The following NET1 variants were observed in gnomAD, a reference collection of about 807,000 sequenced individuals.
NET1 encodes neuroepithelial cell transforming 1.
A neutral mutation model predicts 61.1 loss-of-function variants in NET1; 42 were observed. The ratio of observed to expected loss-of-function variants is 0.69; its 90% CI spans 0.54 to 0.89. The LOEUF (loss-of-function observed/expected upper bound fraction) is 0.89. Among genes scored for constraint, NET1 ranks in the 40% least tolerant of loss-of-function variants. The probability of loss-of-function intolerance (pLI) is 0.00; values close to 1 mark genes in which losing one functional copy is unlikely to be tolerated. For missense variants in NET1, 654 were observed against 747.3 expected, an observed-to-expected ratio of 0.88 and a Z score of 1.46; for synonymous variants, 254 against 281.8, an observed-to-expected ratio of 0.90 and a Z score of 0.99.
Position 5,452,317 on chromosome 10 carries a change from C to A in NET1, c.364-41C>A. 1 of 1,470,364 alleles carries A rather than the reference C, an allele frequency of 6.8e-7. No homozygotes were observed. Among genetic ancestry groups the A allele is most frequent in the Non-Finnish European group, 9.1e-7 (1 of 1,100,234 alleles). The allele number at this position is 1,470,364 out of a possible 1,614,324, so 91.1% of individuals were successfully genotyped here. On this transcript the variant is annotated intron_variant, in intron 4 of 11. Transcript: ENST00000355029. The surrounding 1 kb of genome is among the most constrained non-coding windows in gnomAD (Gnocchi z 4.0). ...AAAATGGGAATAATTCTATTTCTTC[C>A]AAATCTTATTTTCTCTTTTGTTCAC...
Position 5,454,381 on chromosome 10 carries a change from G to T in NET1, c.885G>T (p.Glu295Asp), listed in dbSNP as rs751723448. Reference protein sequence around the residue: ...RVQDFLQRCLESPFSRKLDLW... With the variant: ...RVQDFLQRCLDSPFSRKLDLW... ...AAGACTTCCTCCAGCGATGTCTCGA[G>T]TCTCCCTTCAGTCGAAAACTAGATC... Residue 295 changes from glutamate (E) to aspartate (D), a missense_variant, in exon 9 of 12, where the codon GAG becomes GAT. Glu to Asp is a conservative substitution (Grantham distance 45, BLOSUM62 2). Transcript: ENST00000355029. This position sits in a 1 kb window ranked among gnomAD's most constrained non-coding sequence, Gnocchi z 8.1. The T allele has an allele frequency of 1.2e-6, 2 of 1,614,176 alleles. No homozygotes were observed. Among genetic ancestry groups the T allele is most frequent in the South Asian group, 2.2e-5 (2 of 91,080 alleles).
In NET1 at chr10:5,449,869, G is replaced by T. The variant is rs796417415; in HGVS notation, c.256-1961G>T. Reference sequence around the variant, plus strand: ...TTTTCTGGGAAGTCAAATTTGTTATGCATGAAACAAGGAAGAGGAGTTAAC... The same window carrying T: ...TTTTCTGGGAAGTCAAATTTGTTATTCATGAAACAAGGAAGAGGAGTTAAC... On this transcript the variant is annotated intron_variant, in intron 3 of 11. Transcript: ENST00000355029. This position sits in a 1 kb window ranked among gnomAD's most constrained non-coding sequence, Gnocchi z 4.4. Among the ~76,000 whole-genome samples the T allele has an allele frequency of 2.0e-5, 3 of 152,284 alleles. No individual in the cohort carries two copies. The highest frequency in any genetic ancestry group is 7.2e-5 in the African/African-American group (3 of 41,566).
In NET1 at chr10:5,435,498, T is replaced by C. The variant is rs149022712; in HGVS notation, c.255+6269T>C. Among the ~76,000 whole-genome samples, 144 of 22,042 alleles carry C rather than the reference T, an allele frequency of 6.5e-3. No homozygotes were observed. The highest frequency in any genetic ancestry group is 0.02 in the African/African-American group (134 of 6,614). 14.5% of individuals were successfully genotyped at this position (22,042 alleles called of 152,430 possible). The stretch of plus-strand genomic sequence containing the variant: ...TGAGATAGATAGATAGATAGATAGA[T>C]AGATAGATAGATAGATAGATAGATA... On this transcript the variant is annotated intron_variant, in intron 3 of 11. Coordinates refer to ENST00000355029, the MANE Select transcript of NET1 (RefSeq NM_001047160.3). This position sits in a 1 kb window ranked among gnomAD's most constrained non-coding sequence, Gnocchi z 5.0.
rs1413092463 is a variant in NET1, at chr10:5,412,870, G to A, written c.128+50G>A. The A allele has an allele frequency of 4.6e-6, 6 of 1,293,026 alleles. No individual in the cohort carries two copies. In the East Asian group the frequency reaches 1.9e-4, roughly 41 times the overall value. 80.1% of individuals were successfully genotyped at this position (1,293,026 alleles called of 1,614,324 possible). The stretch of plus-strand genomic sequence containing the variant: ...GAACGGGAGGTGAGTGTAGGGGAGC[G>A]GAGGGCCGAACGGGAGGTGAGTGTT... On this transcript the variant is annotated intron_variant, in intron 1 of 11. Transcript: ENST00000355029. This position sits in a 1 kb window ranked among gnomAD's most constrained non-coding sequence, Gnocchi z 6.5.
intron 3 of NET1, among the ~76,000 whole-genome samples, chr10:5,436,145 C>A: frequency 1.6e-5 from 2 of 124,068 alleles, no homozygotes; most frequent in African/African-American, 6.3e-5. Flanking sequence ...TTTCCGTTTT[C>A]CTAGAAGTTA....
At chr10:5,413,663 TA>T (rs1295108597) in intron 1 of NET1, among the ~76,000 whole-genome samples, 1 of 152,178 alleles carries the variant, frequency 6.6e-6, no homozygotes, top group Non-Finnish European at 1.5e-5. Context: ...AGATGAGGAT[TA>T]AGCTAGATGA....
chr10:5,450,728 A>G (rs1001021836), intron 3 of NET1, among the ~76,000 whole-genome samples: 1 of 152,228 alleles, frequency 6.6e-6, no homozygotes, highest in Non-Finnish European at 1.5e-5. Context: ...CCATAGACAT[A>G]AAGAATAGAC....
In NET1 at chr10:5,435,865, A is replaced by T. The variant is rs2119189166; in HGVS notation, c.255+6636A>T. Among the ~76,000 whole-genome samples the T allele has an allele frequency of 6.6e-6, 1 of 152,192 alleles. No individual in the cohort carries two copies. Among genetic ancestry groups the T allele is most frequent in the East Asian group, 1.9e-4 (1 of 5,178 alleles). Reference sequence around the variant, plus strand: ...ATTATATATACAATTATTCATTTTTAAAAGAACACAGTATTAGTTTTCCAA... The same window carrying T: ...ATTATATATACAATTATTCATTTTTTAAAGAACACAGTATTAGTTTTCCAA... On this transcript the variant is annotated intron_variant, in intron 3 of 11. Coordinates refer to ENST00000355029, the MANE Select transcript of NET1 (RefSeq NM_001047160.3). The surrounding 1 kb of genome is among the most constrained non-coding windows in gnomAD (Gnocchi z 5.0).
chr10:5,439,373 A>G lies in NET1; in HGVS notation c.255+10144A>G, dbSNP rs2119195540. ...CTTAGTGGTTTTAGAGACCTACTCC[A>G]CCCCTAGATGAAGAGTTGAAAGAGA... On this transcript the variant is annotated intron_variant, in intron 3 of 11. Coordinates refer to ENST00000355029, the MANE Select transcript of NET1 (RefSeq NM_001047160.3). The surrounding 1 kb of genome is among the most constrained non-coding windows in gnomAD (Gnocchi z 4.8). Among the ~76,000 whole-genome samples the G allele has an allele frequency of 6.6e-6, 1 of 152,286 alleles. No individual in the cohort carries two copies. Among genetic ancestry groups the G allele is most frequent in the African/African-American group, 2.4e-5 (1 of 41,554 alleles).
chr10:5,446,769 G>T lies in NET1; in HGVS notation c.256-5061G>T, dbSNP rs199974556. The T allele has an allele frequency of 2.0e-5, 32 of 1,602,016 alleles. No homozygotes were observed. The Middle Eastern group carries it at 1.3e-3, about 66-fold the overall frequency. On this transcript the variant is annotated intron_variant, in intron 3 of 11. Transcript: ENST00000355029. This position sits in a 1 kb window ranked among gnomAD's most constrained non-coding sequence, Gnocchi z 5.0. ...TTTGAGGGAGTACTTGGGAAGCATG[G>T]TGGCACATGATGAGACTGGAGGTCT...
chr10:5,454,278 A>G lies in NET1; in HGVS notation c.782A>G (p.Asn261Ser), dbSNP rs1165670097. 6.8e-6 allele frequency: 11 copies of G among 1,611,820 alleles called. No individual in the cohort carries two copies. The highest frequency in any genetic ancestry group is 9.3e-6 in the Non-Finnish European group (11 of 1,179,398). ...HILVSWLPRL[N>S]AYRGYCSNQL... is the part of the protein sequence containing the mutation. ...ATTACTCTTCAGTTACCGCGCTTGAATGCCTACAGAGGTTACTGTAGTAAC... is the reference window on the plus strand; with the variant it reads ...ATTACTCTTCAGTTACCGCGCTTGAGTGCCTACAGAGGTTACTGTAGTAAC... The change falls in exon 9 of 12, where the codon AAT becomes AGT. Residue 261 changes from asparagine to serine, a missense_variant. Physicochemically the swap from Asn to Ser is conservative, Grantham distance 46. Coordinates refer to ENST00000355029, the MANE Select transcript of NET1 (RefSeq NM_001047160.3). This position sits in a 1 kb window ranked among gnomAD's most constrained non-coding sequence, Gnocchi z 8.1.
chr10:5,419,580 T>G (rs1386904624), intron 1 of NET1, among the ~76,000 whole-genome samples: 1 of 152,244 alleles, frequency 6.6e-6, no homozygotes, highest in African/African-American at 2.4e-5. Flanking sequence ...ACTAGGCTTT[T>G]TTGGGTTTTG....
In NET1 at chr10:5,435,542, C is replaced by T. The variant is rs4881444; in HGVS notation, c.255+6313C>T. 0.78 allele frequency among the ~76,000 whole-genome samples: 109,018 copies of T among 139,034 alleles called. 39,850 individuals are homozygous for T. The highest frequency in any genetic ancestry group is 0.81 in the Admixed American group (11,490 of 14,252). The allele number at this position is 139,034 out of a possible 152,430, so 91.2% of individuals were successfully genotyped here. A position where few individuals can be genotyped will look rare whatever the true frequency, so the allele number is the denominator to read the frequency against. On this transcript the variant is annotated intron_variant, in intron 3 of 11. Coordinates refer to ENST00000355029, the MANE Select transcript of NET1 (RefSeq NM_001047160.3). This position sits in a 1 kb window ranked among gnomAD's most constrained non-coding sequence, Gnocchi z 5.0. ...ATAGATAGATAGATAGACAGACAGA[C>T]AGATAGATAGATAGATAGATAAAAT...
intron 1 of NET1, among the ~76,000 whole-genome samples, chr10:5,413,040 G>GA (rs1832027462): frequency 7.6e-6 from 1 of 132,094 alleles, no homozygotes; most frequent in Non-Finnish European, 1.6e-5. Context: ...CGGGGTTGGG[G>GA]GGGGGGACGG....
At position 5,455,120 on chromosome 10, in the gene NET1, T is replaced by C. The variant is rs1832776021; in HGVS notation, c.1197+2T>C. On this transcript the variant is annotated splice_donor_variant, in intron 10 of 11. Coordinates refer to ENST00000355029, the MANE Select transcript of NET1 (RefSeq NM_001047160.3). LOFTEE classifies it high-confidence loss of function. This position sits in a 1 kb window ranked among gnomAD's most constrained non-coding sequence, Gnocchi z 6.5. ...GAGCTGCGGAGCAAGAGTGGACATG[T>C]AGGTGACTTTTGCTGCCGTGGCAGA... 1 of 1,612,710 alleles carries C rather than the reference T, an allele frequency of 6.2e-7. No individual in the cohort carries two copies. Among genetic ancestry groups the C allele is most frequent in the Non-Finnish European group, 8.5e-7 (1 of 1,179,756 alleles).
chr10:5,425,102 T>C (rs1291173588), intron 1 of NET1, among the ~76,000 whole-genome samples: 3 of 152,236 alleles, frequency 2.0e-5, no homozygotes, highest in African/African-American at 7.2e-5. Flanking sequence ...GTTTCCAGAA[T>C]GTAACTCATT....
rs368625548 is a variant in NET1, at chr10:5,451,864, G to A, written c.290G>A (p.Arg97His). 24 of 1,613,754 alleles carry A rather than the reference G, an allele frequency of 1.5e-5. No individual in the cohort carries two copies. The highest frequency in any genetic ancestry group is 3.3e-4 in the Middle Eastern group (2 of 6,082). The stretch of plus-strand genomic sequence containing the variant: ...AATAAAAGAGTTCGACCTCTGGCTC[G>A]TGTCACGTCCTTGGCAAATTTAATC... ...PSNKRVRPLA[R>H]VTSLANLISP... is the part of the protein sequence containing the mutation. Residue 97 changes from arginine to histidine, a missense_variant, in exon 4 of 12, where the codon CGT becomes CAT. Arg to His is a conservative substitution (Grantham distance 29). Transcript: ENST00000355029. The surrounding 1 kb of genome is among the most constrained non-coding windows in gnomAD (Gnocchi z 6.1).
Position 5,455,053 on chromosome 10 carries a change from G to C in NET1, c.1132G>C (p.Asp378His). ...GGAGTACCTGGATGAAAAGCAGAGG[G>C]ACCCCAGAATCGAAGCGAGCAAAGT... ...KLEYLDEKQRDPRIEASKVLL... is the reference protein window; with the variant it reads ...KLEYLDEKQRHPRIEASKVLL... Residue 378 changes from aspartate to histidine, a missense_variant, in exon 10 of 12, where the codon GAC (aspartate) becomes CAC (histidine). Asp to His is a moderately conservative substitution (Grantham distance 81, BLOSUM62 -1). Transcript: ENST00000355029. The surrounding 1 kb of genome is among the most constrained non-coding windows in gnomAD (Gnocchi z 6.5). 6.2e-7 allele frequency: 1 copy of C among 1,614,150 alleles called. No homozygotes were observed. The highest frequency in any genetic ancestry group is 1.7e-4 in the Middle Eastern group (1 of 6,004).
intron 1 of NET1, among the ~76,000 whole-genome samples, chr10:5,425,006 A>T (rs1486010780): frequency 6.6e-6 from 1 of 152,224 alleles, no homozygotes; most frequent in Non-Finnish European, 1.5e-5. Flanking sequence ...GATCAAGGCC[A>T]TTCTCTCTGA....
Sources: gnomAD v4.1 joint callset for allele counts (sites outside exome capture counted in the v4.1 genomes callset) on GRCh38, gnomAD v4.1.1 for gene constraint, Gnocchi (gnomAD v3.1) non-coding constraint, MANE v1.5 for transcripts, NCBI Gene and HGNC (gene_info 2026-07-23, HGNC 2026-07-21) for gene names.